ATG7: variants seen among roughly 807,000 people sequenced by gnomAD.
The protein encoded by ATG7 is ubiquitin-like modifier-activating enzyme ATG7.
A neutral mutation model predicts 82.4 loss-of-function variants in ATG7; 70 were observed. The ratio of observed to expected loss-of-function variants is 0.85; its 90% CI spans 0.70 to 1.04. ATG7 has a LOEUF of 1.04. ATG7 is among the 50% of genes least tolerant of loss of function. ATG7 has a pLI of 0.00. For missense variants in ATG7, 792 were observed against 864.3 expected (o/e 0.92, Z 1.05); for synonymous variants, 287 against 313.0 (o/e 0.92, Z 0.88).
intron 20 of ATG7, among the ~76,000 whole-genome samples, chr3:11,512,286 A>G (rs2092101268): frequency 6.6e-6 from 1 of 152,166 alleles, no homozygotes; most frequent in Admixed American, 6.5e-5. Flanking sequence ...CACTTCCTGA[A>G]CCAAGTACTG....
intron 20 of ATG7, among the ~76,000 whole-genome samples, chr3:11,459,617 G>T (rs992068774): frequency 6.6e-6 from 1 of 152,106 alleles, no homozygotes; most frequent in Non-Finnish European, 1.5e-5. Context: ...GTAATGGGCT[G>T]CCTAGCTCTT....
rs2305686 is a variant in ATG7 at position 11,309,079 on chromosome 3, C to T, written c.411+18C>T. 294,564 of 1,603,992 alleles carry T rather than the reference C, an allele frequency of 0.18. 31,978 individuals are homozygous for T. The highest frequency in any genetic ancestry group is 0.43 in the Admixed American group (25,633 of 59,988). On this transcript the variant is annotated intron_variant, in intron 7 of 20. Transcript: ENST00000693202. ...CATTTGCAGTAAGTAAATGGGCTCT[C>T]GGTTGCACCGAGGTTGGTGAAATCC...
intron 20 of ATG7, among the ~76,000 whole-genome samples, chr3:11,472,878 A>T (rs913395304): frequency 2.0e-5 from 3 of 152,168 alleles, no homozygotes; most frequent in Admixed American, 6.5e-5. Context: ...ATTTTTCTTG[A>T]TAAGATCAGG....
intron 19 of ATG7, among the ~76,000 whole-genome samples, chr3:11,398,084 CA>C (rs201772380): frequency 2.8e-3 from 302 of 106,966 alleles, no homozygotes; most frequent in Admixed American, 3.4e-3. Flanking sequence ...ACTCTGTCTC[CA>C]AAAAAAAAAA....
chr3:11,339,190 G>T (rs928017180), intron 11 of ATG7, among the ~76,000 whole-genome samples: 1 of 151,722 alleles, frequency 6.6e-6, no homozygotes, highest in Non-Finnish European at 1.5e-5. Context: ...CAGCTACTCG[G>T]GAGGCTGAGA....
chr3:11,315,506 T>C lies in ATG7; in HGVS notation c.678+13T>C, dbSNP rs1476941394. ...TCAAAGGACGAAGGTCAGATAAACT[T>C]TGAGTATCATTTTATTATATAGTTT... On this transcript the variant is annotated intron_variant, in intron 9 of 20. Transcript: ENST00000693202. The C allele has an allele frequency of 7.0e-6, 11 of 1,561,908 alleles. No homozygotes were observed. Among genetic ancestry groups the C allele is most frequent in the Non-Finnish European group, 9.5e-6 (11 of 1,158,552 alleles).
At chr3:11,309,575 A>G (rs1044812776) in intron 7 of ATG7, among the ~76,000 whole-genome samples, 2 of 152,084 alleles carry the variant, frequency 1.3e-5, no homozygotes, top group African/African-American at 4.8e-5. Flanking sequence ...TGCCCAGTGA[A>G]GAAGGGGTAG....
intron 11 of ATG7, among the ~76,000 whole-genome samples, chr3:11,333,949 G>A (rs1005714665): frequency 3.3e-5 from 5 of 151,760 alleles, no homozygotes; most frequent in Admixed American, 2.0e-4. Context: ...GGGTTTCACC[G>A]TGTGTTATCC....
In ATG7 at chr3:11,284,996, G is replaced by A. The variant is rs532478182; in HGVS notation, c.-11+2558G>A. Among the ~76,000 whole-genome samples, 10 of 151,740 alleles carry A rather than the reference G, an allele frequency of 6.6e-5. No homozygotes were observed. The South Asian group carries it at 1.7e-3, about 25-fold the overall frequency. On this transcript the variant is annotated intron_variant, in intron 3 of 20. Coordinates refer to ENST00000693202, the MANE Select transcript of ATG7 (RefSeq NM_001349232.2). ...CAAGTAGTTGGGACTATAGGCGCCCGCCACCATGCCCAGCTAATTTTTTTT... is the reference window on the plus strand; with the variant it reads ...CAAGTAGTTGGGACTATAGGCGCCCACCACCATGCCCAGCTAATTTTTTTT...
At chr3:11,533,255 T>C (rs931307072) in intron 20 of ATG7, among the ~76,000 whole-genome samples, 6 of 152,102 alleles carry the variant, frequency 3.9e-5, no homozygotes, top group Non-Finnish European at 8.8e-5. Flanking sequence ...ATCATCACCG[T>C]GAGTGTTCAT....
At chr3:11,532,027 A>G (rs746687048) in intron 20 of ATG7, among the ~76,000 whole-genome samples, 3 of 152,128 alleles carry the variant, frequency 2.0e-5, no homozygotes, top group Non-Finnish European at 4.4e-5. Flanking sequence ...TGACTTAGAA[A>G]CTAAAATATT....
the ATG7 span, among the ~76,000 whole-genome samples, chr3:11,573,845 T>C: frequency 2.0e-5 from 3 of 152,230 alleles, no homozygotes; most frequent in Non-Finnish European, 2.9e-5. Context: ...TTATCTGAAA[T>C]AGGGTCTTTA....
chr3:11,417,800 A>ATTTTTTTTTTTTTTTTTTTTTT (rs1314378737), intron 19 of ATG7, among the ~76,000 whole-genome samples: 1 of 109,368 alleles, frequency 9.1e-6, no homozygotes, highest in Non-Finnish European at 1.9e-5. Flanking sequence ...TATTATTATT[A>ATTTTTTTTTTTTTTTTTTTTTT]TTTTATTTTA....
At position 11,412,489 on chromosome 3, in the gene ATG7, C is replaced by T. The variant is rs190423397; in HGVS notation, c.1957-14315C>T. On this transcript the variant is annotated intron_variant, in intron 19 of 20. Transcript: ENST00000693202. Reference sequence around the variant, plus strand: ...TCTGTGAGGATTGTTTCTGCGCTCTCTATTCTGTTTCGTTGGTCTATGAAT... The same window carrying T: ...TCTGTGAGGATTGTTTCTGCGCTCTTTATTCTGTTTCGTTGGTCTATGAAT... Among the ~76,000 whole-genome samples, 84 of 152,188 alleles carry T rather than the reference C, an allele frequency of 5.5e-4. 1 individual carries two copies. The East Asian group carries it at 0.016, about 28-fold the overall frequency.
In ATG7 at chr3:11,342,163, C is replaced by T; in HGVS notation, c.1009C>T (p.Leu337Phe). ...RLAESSVDLN[L>F]KLMCWRLVPT... ...AGCTGAGTCATCAGTGGATCTAAATCTCAAACTGATGTGTTGGAGATTGGT... is the reference window on the plus strand; with the variant it reads ...AGCTGAGTCATCAGTGGATCTAAATTTCAAACTGATGTGTTGGAGATTGGT... Residue 337 changes from leucine (L) to phenylalanine (F), a missense_variant, in exon 13 of 21, where the codon CTC becomes TTC. Transcript: ENST00000693202. 1.2e-6 allele frequency: 2 copies of T among 1,613,008 alleles called. No individual in the cohort carries two copies. The highest frequency in any genetic ancestry group is 1.7e-6 in the Non-Finnish European group (2 of 1,179,902).
chr3:11,479,205 TAAAAC>T (rs1380323786), intron 20 of ATG7, among the ~76,000 whole-genome samples: 7 of 152,220 alleles, frequency 4.6e-5, no homozygotes, highest in South Asian at 2.1e-4. Flanking sequence ...ACATAGTAAA[TAAAAC>T]AGTGATTCCA....
the ATG7 span, among the ~76,000 whole-genome samples, chr3:11,566,047 A>G: frequency 6.6e-6 from 1 of 152,230 alleles, no homozygotes; most frequent in Admixed American, 6.5e-5. Flanking sequence ...TTATTTTCAG[A>G]GTCTACAAGT....
intron 5 of ATG7, among the ~76,000 whole-genome samples, chr3:11,303,069 A>T: frequency 6.6e-6 from 1 of 152,214 alleles, no homozygotes; most frequent in East Asian, 1.9e-4. Context: ...ATCCCTGAGG[A>T]CTTTGCATTG....
At chr3:11,323,470 A>G (rs1363843849) in intron 9 of ATG7, among the ~76,000 whole-genome samples, 2 of 152,184 alleles carry the variant, frequency 1.3e-5, no homozygotes, top group East Asian at 3.8e-4. Context: ...TCTTCTCTCA[A>G]TGAAATGTGG....
Sources: allele counts gnomAD v4.1 joint callset (sites outside exome capture counted in the v4.1 genomes callset), GRCh38; gene constraint gnomAD v4.1.1; transcripts MANE v1.5; gene names NCBI Gene and HGNC (gene_info 2026-07-23, HGNC 2026-07-21).